RNGTT: variants seen among roughly 807,000 people sequenced by gnomAD.
The protein encoded by RNGTT is RNA guanylyltransferase and 5'-phosphatase.
A neutral mutation model predicts 79.3 loss-of-function variants in RNGTT; 33 were observed. The observed-to-expected ratio is 0.42, with a 90% CI of 0.32 to 0.56. The LOEUF (loss-of-function observed/expected upper bound fraction) is 0.56. Among genes scored for constraint, RNGTT ranks in the 20% least tolerant of loss-of-function variants. RNGTT has a pLI of 0.17. For missense variants in RNGTT, 497 were observed against 739.1 expected (o/e 0.67, Z 3.80); for synonymous variants, 222 against 235.9 (o/e 0.94, Z 0.54).
intron 14 of RNGTT, among the ~76,000 whole-genome samples, chr6:88,658,705 A>C (rs754733855): frequency 2.0e-5 from 3 of 152,208 alleles, no homozygotes; most frequent in Non-Finnish European, 4.4e-5. Context: ...GCACAATCTA[A>C]TCAGCTGCCA....
At chr6:88,696,991 T>A (rs1285824993) in intron 13 of RNGTT, among the ~76,000 whole-genome samples, 1 of 152,112 alleles carries the variant, frequency 6.6e-6, no homozygotes, top group African/African-American at 2.4e-5. Flanking sequence ...CTATGATCAA[T>A]CAAAAAGAAA....
At position 88,860,301 on chromosome 6, in the gene RNGTT, A is replaced by C. The variant is rs544209083; in HGVS notation, c.897-6537T>G. 1.1e-4 allele frequency among the ~76,000 whole-genome samples: 17 copies of C among 152,350 alleles called. No individual in the cohort carries two copies. In the East Asian group the frequency reaches 3.3e-3, roughly 29 times the overall value. ...TTACTGAGCCATGGGGCATTTAAGAAGGAAGCAGTAATTGTCCCATTTTGT... is the reference window on the plus strand; with the variant it reads ...TTACTGAGCCATGGGGCATTTAAGACGGAAGCAGTAATTGTCCCATTTTGT... On this transcript the variant is annotated intron_variant, in intron 8 of 15. Coordinates refer to ENST00000369485, the MANE Select transcript of RNGTT (RefSeq NM_003800.5).
intron 13 of RNGTT, among the ~76,000 whole-genome samples, chr6:88,725,811 C>T (rs1405691400): frequency 6.6e-6 from 1 of 152,138 alleles, no homozygotes; most frequent in African/African-American, 2.4e-5. Context: ...CCAGTCCCTC[C>T]CCTAGGGGAA....
chr6:88,961,095 G>A (rs1216171179), intron 1 of RNGTT, among the ~76,000 whole-genome samples: 1 of 152,190 alleles, frequency 6.6e-6, no homozygotes, highest in Non-Finnish European at 1.5e-5. Context: ...TGCCAGCATG[G>A]CTAGAATATA....
intron 13 of RNGTT, among the ~76,000 whole-genome samples, chr6:88,681,540 T>G (rs929722570): frequency 6.6e-6 from 1 of 152,160 alleles, no homozygotes; most frequent in Non-Finnish European, 1.5e-5. Context: ...AATTCTCACT[T>G]TTAAAATGGA....
intron 13 of RNGTT, among the ~76,000 whole-genome samples, chr6:88,695,985 T>C (rs1008528878): frequency 6.6e-6 from 1 of 152,188 alleles, no homozygotes; most frequent in African/African-American, 2.4e-5. Context: ...TGGTTGGTGG[T>C]GACCAAAGGT....
intron 11 of RNGTT, among the ~76,000 whole-genome samples, chr6:88,830,679 T>C (rs1780830555): frequency 6.7e-6 from 1 of 150,110 alleles, no homozygotes; most frequent in African/African-American, 2.4e-5. Flanking sequence ...ACAAAATAGA[T>C]AGACCACTAG....
chr6:88,866,967 G>A (rs903030651), intron 8 of RNGTT, among the ~76,000 whole-genome samples: 3 of 152,168 alleles, frequency 2.0e-5, no homozygotes, highest in Non-Finnish European at 4.4e-5. Flanking sequence ...TGAGAAAACG[G>A]AGTCAATTCT....
intron 2 of RNGTT, among the ~76,000 whole-genome samples, chr6:88,934,329 C>T (rs1195259035): frequency 2.0e-5 from 3 of 152,156 alleles, no homozygotes; most frequent in Admixed American, 1.3e-4. Flanking sequence ...AGCCACTGTA[C>T]CTAGTCATAA....
intron 4 of RNGTT, among the ~76,000 whole-genome samples, chr6:88,911,864 T>A (rs1483133433): frequency 6.6e-6 from 1 of 151,964 alleles, no homozygotes; most frequent in Non-Finnish European, 1.5e-5. Flanking sequence ...GCCAAGCAGA[T>A]GGCTTGAGGT....
chr6:88,758,352 A>G lies in RNGTT; in HGVS notation c.1439+11422T>C, dbSNP rs114623879. On this transcript the variant is annotated intron_variant, in intron 13 of 15. Coordinates refer to ENST00000369485, the MANE Select transcript of RNGTT (RefSeq NM_003800.5). Reference sequence around the variant, plus strand: ...ATACACTCCAGTGCCCGGTACACAGAAAGGAATAAATGAACTAACGCTCAA... The same window carrying G: ...ATACACTCCAGTGCCCGGTACACAGGAAGGAATAAATGAACTAACGCTCAA... 5.5e-3 allele frequency among the ~76,000 whole-genome samples: 831 copies of G among 152,322 alleles called. 8 individuals are homozygous for G. Among genetic ancestry groups the G allele is most frequent in the African/African-American group, 0.017 (722 of 41,570 alleles).
chr6:88,628,079 A>G (rs764185425), intron 14 of RNGTT, among the ~76,000 whole-genome samples: 22 of 152,136 alleles, frequency 1.4e-4, no homozygotes, highest in Admixed American at 5.2e-4. Context: ...GTAAGTACAG[A>G]GTGATAATCA....
At chr6:88,704,274 A>AAAAAC (rs1562206064) in intron 13 of RNGTT, among the ~76,000 whole-genome samples, 69 of 149,436 alleles carry the variant, frequency 4.6e-4, no homozygotes, top group African/African-American at 1.2e-3. Context: ...AAAAAAAAAA[A>AAAAAC]AAAAAAAAAA....
intron 13 of RNGTT, among the ~76,000 whole-genome samples, chr6:88,726,200 G>A (rs751930903): frequency 5.3e-5 from 8 of 152,072 alleles, no homozygotes; most frequent in Non-Finnish European, 8.8e-5. Context: ...GGCATAGCCC[G>A]AAAGCACTGA....
intron 14 of RNGTT, among the ~76,000 whole-genome samples, chr6:88,637,341 G>A (rs976242857): frequency 6.6e-6 from 1 of 152,040 alleles, no homozygotes; most frequent in Non-Finnish European, 1.5e-5. Context: ...GGCAGTAAAT[G>A]AAGAAAAATA....
intron 13 of RNGTT, among the ~76,000 whole-genome samples, chr6:88,729,795 G>A (rs1346902289): frequency 6.6e-6 from 1 of 152,170 alleles, no homozygotes; most frequent in Non-Finnish European, 1.5e-5. Context: ...TATAACAAAG[G>A]CATTGCAAGG....
chr6:88,889,549 A>G (rs1043361368), intron 8 of RNGTT, among the ~76,000 whole-genome samples: 1 of 152,194 alleles, frequency 6.6e-6, no homozygotes, highest in African/African-American at 2.4e-5. Flanking sequence ...AACACTTAAA[A>G]GCTAATATAT....
chr6:88,755,509 G>C (rs1250624803), intron 13 of RNGTT, among the ~76,000 whole-genome samples: 3 of 152,094 alleles, frequency 2.0e-5, no homozygotes, highest in Non-Finnish European at 4.4e-5. Context: ...AATACCTGTA[G>C]GGATTGGGTT....
At chr6:88,875,910 C>T (rs1782504778) in intron 8 of RNGTT, among the ~76,000 whole-genome samples, 1 of 152,158 alleles carries the variant, frequency 6.6e-6, no homozygotes. Flanking sequence ...GGCTACATTA[C>T]TTATATTAAG....
Sources: gnomAD v4.1 joint callset for allele counts (sites outside exome capture counted in the v4.1 genomes callset) on GRCh38, gnomAD v4.1.1 for gene constraint, MANE v1.5 for transcripts, NCBI Gene and HGNC (gene_info 2026-07-23, HGNC 2026-07-21) for gene names.